Variants in DNAH9 observed in about 807,000 individuals in gnomAD.
The protein encoded by DNAH9 is dynein axonemal heavy chain 9, also known as DNAH9 variant protein.
Under a neutral mutation model 471.6 loss-of-function variants are expected in DNAH9, and 345 were observed. The ratio of observed to expected loss-of-function variants is 0.73; its 90% CI spans 0.67 to 0.80. The LOEUF (loss-of-function observed/expected upper bound fraction) is 0.80, where lower values mean the gene tolerates loss of function less well. Ranked by LOEUF, DNAH9 falls within the 30% of genes least tolerant of loss-of-function variation. The probability of loss-of-function intolerance (pLI) is 0.00; values close to 1 mark genes in which losing one functional copy is unlikely to be tolerated. For missense variants in DNAH9, 5,407 were observed against 5,609.2 expected, an observed-to-expected ratio of 0.96 and a Z score of 1.15; for synonymous variants, 2,093 against 2,123.6, an observed-to-expected ratio of 0.99 and a Z score of 0.40.
At chr17:11,771,495 C>T (rs1968202730) in intron 38 of DNAH9, among the ~76,000 whole-genome samples, 1 of 152,156 alleles carries the variant, frequency 6.6e-6, no homozygotes, top group Non-Finnish European at 1.5e-5. Flanking sequence ...TTTCAATAAT[C>T]AGCTCCAATA....
chr17:11,628,430 G>C (rs900623557), intron 6 of DNAH9, among the ~76,000 whole-genome samples: 4 of 152,214 alleles, frequency 2.6e-5, no homozygotes, highest in Admixed American at 6.5e-5. Context: ...TCCCAGGCTT[G>C]AGTTAACTGA....
rs535060001 is a variant in DNAH9 at position 11,819,182 on chromosome 17, A to G, written c.8708-2738A>G. Among the ~76,000 whole-genome samples the G allele has an allele frequency of 4.6e-5, 7 of 152,214 alleles. No individual in the cohort carries two copies. In the South Asian group the frequency reaches 1.2e-3, roughly 27 times the overall value. On this transcript the variant is annotated intron_variant, in intron 45 of 68. Transcript: ENST00000262442. ...CAGACAAAATTCTCAAAAGAATACA[A>G]TTTATTTCCTTGCGAAACAATTTGG...
chr17:11,918,471 C>G (rs117600535), intron 61 of DNAH9, among the ~76,000 whole-genome samples: 1 of 152,180 alleles, frequency 6.6e-6, no homozygotes, highest in Non-Finnish European at 1.5e-5. Flanking sequence ...GCTCAAGCAA[C>G]CTGCCCACCT....
At chr17:11,694,640 T>C (rs113672711) in intron 22 of DNAH9, among the ~76,000 whole-genome samples, 193 bp downstream of exon 22, 508 of 2,584 alleles carry the variant, frequency 0.2, 39 homozygotes, top group Non-Finnish European at 0.41. Context: ...CTTGCTTTCT[T>C]GCTTTCTCGC....
intron 61 of DNAH9, among the ~76,000 whole-genome samples, chr17:11,908,555 G>C (rs890733867): frequency 3.9e-5 from 6 of 152,290 alleles, no homozygotes; most frequent in African/African-American, 1.4e-4. Context: ...TCGGTAGTCA[G>C]AGCTGTAGGC....
chr17:11,721,612 A>G (rs1341660689), intron 27 of DNAH9, among the ~76,000 whole-genome samples: 5 of 151,990 alleles, frequency 3.3e-5, no homozygotes, highest in Middle Eastern at 3.4e-3. Context: ...TCATATGGGG[A>G]GAGAGAGGGA....
chr17:11,738,563 T>A (rs1052940352), intron 28 of DNAH9, among the ~76,000 whole-genome samples: 4 of 152,152 alleles, frequency 2.6e-5, no homozygotes, highest in Non-Finnish European at 4.4e-5. Context: ...GTATTTTTAG[T>A]AGAGACGGGG....
chr17:11,628,660 G>A (rs751241891), intron 6 of DNAH9, among the ~76,000 whole-genome samples: 4 of 152,300 alleles, frequency 2.6e-5, no homozygotes, highest in South Asian at 2.1e-4. Context: ...TCTTCAGGAC[G>A]ATTTTGCAGC....
intron 35 of DNAH9, among the ~76,000 whole-genome samples, chr17:11,762,288 G>A (rs1335316235): frequency 6.6e-6 from 1 of 152,172 alleles, no homozygotes; most frequent in Non-Finnish European, 1.5e-5. Flanking sequence ...TTATGAAAAC[G>A]GACTCTGCCT....
Position 11,906,644 on chromosome 17 carries a change from AAAG to A in DNAH9, c.11749+838_11749+840del, listed in dbSNP as rs1166173253. ...CTCTGTCTCAAAAAAAAAAAAAAAA[AAAG>A]AAAATGTGATACATATATACCATGG... is the stretch of plus-strand genomic sequence containing the variant. On this transcript the variant is annotated intron_variant, in intron 61 of 68. Transcript: ENST00000262442. Among the ~76,000 whole-genome samples the A allele has an allele frequency of 2.6e-4, 33 of 128,692 alleles. No individual in the cohort carries two copies. The East Asian group carries it at 6.3e-3, about 25-fold the overall frequency. 84.4% of individuals were successfully genotyped at this position (128,692 alleles called of 152,430 possible). A position where few individuals can be genotyped will look rare whatever the true frequency, so the allele number is the denominator to read the frequency against.
intron 50 of DNAH9, among the ~76,000 whole-genome samples, chr17:11,859,524 C>T (rs1971763357): frequency 2.0e-5 from 3 of 151,998 alleles, no homozygotes. Context: ...TCTCAGCTTT[C>T]AAGATGTGTT....
chr17:11,608,277 C>T lies in DNAH9; in HGVS notation c.566C>T (p.Pro189Leu). 6.2e-7 allele frequency: 1 copy of T among 1,613,322 alleles called. No individual in the cohort carries two copies. Among genetic ancestry groups the T allele is most frequent in the Non-Finnish European group, 8.5e-7 (1 of 1,179,712 alleles). ...AAGGGAAAAACTTTGCTGCCTCTTCCAGCAGGCTCAGAAAAAATGGAGTTT... is the reference window on the plus strand; with the variant it reads ...AAGGGAAAAACTTTGCTGCCTCTTCTAGCAGGCTCAGAAAAAATGGAGTTT... ...QVKGKTLLPL[P>L]AGSEKMEFAD... is the part of the protein sequence containing the mutation. Residue 189 changes from proline (P) to leucine (L), a missense_variant, in exon 2 of 69, where the codon CCA (proline) becomes CTA (leucine). Coordinates refer to ENST00000262442, the MANE Select transcript of DNAH9 (RefSeq NM_001372.4).
At chr17:11,960,435 T>TAAAAAAAAAAAAAAAAAAAAAAAAAA (rs3074845) in intron 67 of DNAH9, among the ~76,000 whole-genome samples, 7 of 54,044 alleles carry the variant, frequency 1.3e-4, no homozygotes, top group Admixed American at 2.8e-4. Context: ...GACTCTGTCT[T>TAAAAAAAAAAAAAAAAAAAAAAAAAA]AAAAAAAAAA....
At chr17:11,935,949 C>T (rs1365994350) in intron 65 of DNAH9, among the ~76,000 whole-genome samples, 5 of 152,106 alleles carry the variant, frequency 3.3e-5, no homozygotes, top group African/African-American at 4.8e-5. Flanking sequence ...AGGCTTTTCC[C>T]GGGAAAATTG....
At chr17:11,831,800 A>T (rs905822790) in intron 48 of DNAH9, among the ~76,000 whole-genome samples, 3 of 152,136 alleles carry the variant, frequency 2.0e-5, no homozygotes, top group Non-Finnish European at 4.4e-5. Flanking sequence ...TCTCTTTAGC[A>T]TCATGTGCCT....
intron 5 of DNAH9, among the ~76,000 whole-genome samples, chr17:11,617,843 C>T (rs1485515727): frequency 6.6e-6 from 1 of 152,212 alleles, no homozygotes; most frequent in African/African-American, 2.4e-5. Context: ...TTCCTTTCCC[C>T]TCTGCCTAAG....
At position 11,617,643 on chromosome 17, in the gene DNAH9, C is replaced by T. The variant is rs2072774190; in HGVS notation, c.1116+21C>T. The T allele has an allele frequency of 1.9e-6, 3 of 1,583,314 alleles. No homozygotes were observed. The South Asian group carries it at 3.3e-5, about 18-fold the overall frequency. On this transcript the variant is annotated intron_variant, in intron 5 of 68. Coordinates refer to ENST00000262442, the MANE Select transcript of DNAH9 (RefSeq NM_001372.4). The stretch of plus-strand genomic sequence containing the variant: ...AGCAGGTGGGCTGCCCTGGGATGCC[C>T]AGCAACTGCTCCCTGGGGGCTGGTT...
chr17:11,617,527 G>A lies in DNAH9; in HGVS notation c.1021G>A (p.Val341Met), dbSNP rs1002730051. The A allele has an allele frequency of 1.2e-6, 2 of 1,613,990 alleles. No individual in the cohort carries two copies. The highest frequency in any genetic ancestry group is 1.3e-5 in the African/African-American group (1 of 74,902). ...GCCCCAGCTGCGGCCCCTGCTCCAC[G>A]TGGTCTGTCTGATTTGGGCCACATG... ...VKPQLRPLLHVVCLIWATCKS... is the reference protein window; with the variant it reads ...VKPQLRPLLHMVCLIWATCKS... The change falls in exon 5 of 69, where the codon GTG (valine) becomes ATG (methionine). Residue 341 changes from valine (V) to methionine (M), a missense_variant. Coordinates refer to ENST00000262442, the MANE Select transcript of DNAH9 (RefSeq NM_001372.4).
intron 36 of DNAH9, among the ~76,000 whole-genome samples, chr17:11,768,070 A>T (rs968216068): frequency 1.3e-5 from 2 of 152,094 alleles, no homozygotes; most frequent in African/African-American, 4.8e-5. Context: ...TTAGGCTGCC[A>T]TCCTGGGAAC....
Sources: allele counts gnomAD v4.1 joint callset (sites outside exome capture counted in the v4.1 genomes callset), GRCh38; gene constraint gnomAD v4.1.1; transcripts MANE v1.5; gene names NCBI Gene and HGNC (gene_info 2026-07-23, HGNC 2026-07-21).